The following ATP6V1F variants were observed in gnomAD, a reference collection of about 807,000 sequenced individuals.
ATP6V1F encodes ATPase H+ transporting V1 subunit F.
A neutral mutation model predicts 6.6 loss-of-function variants in ATP6V1F; 4 were observed. The observed-to-expected ratio is 0.60, with a 90% CI of 0.30 to 1.38. ATP6V1F has a LOEUF of 1.38. Ranked by LOEUF, ATP6V1F falls within the 40% of genes most tolerant of loss-of-function variation. ATP6V1F has a pLI of 0.08. For missense variants in ATP6V1F, 136 were observed against 165.5 expected, an observed-to-expected ratio of 0.82 and a Z score of 0.98; for synonymous variants, 68 against 66.9, an observed-to-expected ratio of 1.02 and a Z score of -0.08.
intron 1 of ATP6V1F, among the ~76,000 whole-genome samples, chr7:128,864,677 T>A (rs1809346597): frequency 6.6e-6 from 1 of 150,582 alleles, no homozygotes; most frequent in Non-Finnish European, 1.5e-5. Context: ...CGCAGCTCAC[T>A]GCGGCCTCGA....
At chr7:128,863,546 G>A (rs1489524791) in intron 1 of ATP6V1F, among the ~76,000 whole-genome samples, 3 of 152,142 alleles carry the variant, frequency 2.0e-5, no homozygotes, top group East Asian at 3.8e-4. Context: ...CTCCTCAGGC[G>A]GCCTCGGAAT....
rs1275941687 is a variant in ATP6V1F, at chr7:128,865,094, G to T, written c.159-283G>T. ...CACTGCATATTGAATACACCAGTGT[G>T]CACCCTAATCAATCTTCATTACCAG... On this transcript the variant is annotated intron_variant, in intron 1 of 1. Transcript: ENST00000249289. The surrounding 1 kb of genome is among the most constrained non-coding windows in gnomAD (Gnocchi z 4.4). 6 of 1,513,760 alleles carry T rather than the reference G, an allele frequency of 4.0e-6. No individual in the cohort carries two copies. Among genetic ancestry groups the T allele is most frequent in the Non-Finnish European group, 5.3e-6 (6 of 1,126,592 alleles). 93.8% of individuals were successfully genotyped at this position (1,513,760 alleles called of 1,614,324 possible).
chr7:128,863,435 G>T (rs1809316696), intron 1 of ATP6V1F, among the ~76,000 whole-genome samples: 1 of 152,162 alleles, frequency 6.6e-6, no homozygotes, highest in Non-Finnish European at 1.5e-5. Context: ...AGAGGGTAAG[G>T]CACACACTAA....
chr7:128,864,194 A>C (rs1478038646), intron 1 of ATP6V1F, among the ~76,000 whole-genome samples: 1 of 152,126 alleles, frequency 6.6e-6, no homozygotes, highest in African/African-American at 2.4e-5. Context: ...AAATACAAAA[A>C]TTAGCCAGGC....
chr7:128,865,259 C>T lies in ATP6V1F; in HGVS notation c.159-118C>T. 6.4e-7 allele frequency: 1 copy of T among 1,558,456 alleles called. No homozygotes were observed. The highest frequency in any genetic ancestry group is 2.4e-5 in the East Asian group (1 of 42,474). On this transcript the variant is annotated intron_variant, in intron 1 of 1. Transcript: ENST00000249289. This position sits in a 1 kb window ranked among gnomAD's most constrained non-coding sequence, Gnocchi z 4.4. ...CCTTTCCCCTTGTCCTCTGTGCCCTCTGGGTCATGCTCATTCCCCTCCACA... is the reference window on the plus strand; with the variant it reads ...CCTTTCCCCTTGTCCTCTGTGCCCTTTGGGTCATGCTCATTCCCCTCCACA...
intron 1 of ATP6V1F, among the ~76,000 whole-genome samples, chr7:128,864,339 T>C (rs763910265): frequency 4.6e-5 from 7 of 152,034 alleles, no homozygotes; most frequent in Non-Finnish European, 1.0e-4. Context: ...GGAGACCCTG[T>C]CTCAAAAAAA....
intron 1 of ATP6V1F, chr7:128,864,817 T>C: frequency 3.0e-6 from 1 of 331,010 alleles, no homozygotes; most frequent in Non-Finnish European, 5.8e-6. Flanking sequence ...GATAGATAGA[T>C]AGATCCGCCA....
At position 128,862,921 on chromosome 7, in the gene ATP6V1F, A is replaced by G. The variant is rs1310357098; in HGVS notation, c.17A>G (p.Lys6Arg). The change falls in exon 1 of 2, where the codon AAG (lysine) becomes AGG (arginine). Residue 6 changes from lysine to arginine, a missense_variant. By Grantham distance (26) the Lys-to-Arg change is conservative (BLOSUM62 2). Coordinates refer to ENST00000249289, the MANE Select transcript of ATP6V1F (RefSeq NM_004231.4). ...GCTGCAGGGATGGCGGGGAGGGGTA[A>G]GCTCATCGCAGTGATCGGAGACGAG... MAGRG[K>R]LIAVIGDEDT... The G allele has an allele frequency of 6.2e-7, 1 of 1,608,804 alleles. No homozygotes were observed. The highest frequency in any genetic ancestry group is 8.5e-7 in the Non-Finnish European group (1 of 1,177,564).
At chr7:128,864,849 G>T in intron 1 of ATP6V1F, 9 of 406,964 alleles carry the variant, frequency 2.2e-5, no homozygotes, top group South Asian at 4.6e-5. Context: ...TTTTTTGTGT[G>T]TGTATATATA....
chr7:128,862,891 G>T lies in ATP6V1F; in HGVS notation c.-14G>T, dbSNP rs774350378. Reference sequence around the variant, plus strand: ...CTTCTGGTGCTCTAGGGTGAGCTCTGCCCGGCTGCAGGGATGGCGGGGAGG... The same window carrying T: ...CTTCTGGTGCTCTAGGGTGAGCTCTTCCCGGCTGCAGGGATGGCGGGGAGG... On this transcript the variant is annotated 5_prime_UTR_variant, in exon 1 of 2. Coordinates refer to ENST00000249289, the MANE Select transcript of ATP6V1F (RefSeq NM_004231.4). 3.2e-6 allele frequency: 5 copies of T among 1,581,288 alleles called. No homozygotes were observed. The highest frequency in any genetic ancestry group is 1.1e-5 in the South Asian group (1 of 87,180).
chr7:128,865,351 G>C lies in ATP6V1F; in HGVS notation c.159-26G>C. The stretch of plus-strand genomic sequence containing the variant: ...GACGGCAGCCCCCAGAGCTGTCCTG[G>C]ACTCCCTTCTCATCTCTCCCCACAG... On this transcript the variant is annotated intron_variant, in intron 1 of 1. Coordinates refer to ENST00000249289, the MANE Select transcript of ATP6V1F (RefSeq NM_004231.4). The surrounding 1 kb of genome is among the most constrained non-coding windows in gnomAD (Gnocchi z 4.4). 6.2e-7 allele frequency: 1 copy of C among 1,613,232 alleles called. No homozygotes were observed. The highest frequency in any genetic ancestry group is 1.1e-5 in the South Asian group (1 of 90,998).
At position 128,865,476 on chromosome 7, in the gene ATP6V1F, C is replaced by G; in HGVS notation, c.258C>G (p.Pro86=). 6.2e-7 allele frequency: 1 copy of G among 1,614,160 alleles called. No homozygotes were observed. Among genetic ancestry groups the G allele is most frequent in the Non-Finnish European group, 8.5e-7 (1 of 1,180,040 alleles). Reference sequence around the variant, plus strand: ...TGGACGCCCACCAGCAGTCCATCCCCGCTGTCCTGGAGATCCCCTCCAAGG... The same window carrying G: ...TGGACGCCCACCAGCAGTCCATCCCGGCTGTCCTGGAGATCCCCTCCAAGG... ...HALDAHQQSI[P]AVLEIPSKEH... Residue 86 remains proline (P), a synonymous_variant, in exon 2 of 2, where the codon CCC becomes CCG. Coordinates refer to ENST00000249289, the MANE Select transcript of ATP6V1F (RefSeq NM_004231.4). The surrounding 1 kb of genome is among the most constrained non-coding windows in gnomAD (Gnocchi z 4.4).
intron 1 of ATP6V1F, chr7:128,864,999 G>A: frequency 1.2e-6 from 1 of 863,972 alleles, no homozygotes; most frequent in Non-Finnish European, 1.8e-6. Context: ...CATCACAGCT[G>A]GCCTTCAGTA....
Position 128,865,420 on chromosome 7 carries a change from C to G in ATP6V1F, c.202C>G (p.Gln68Glu), listed in dbSNP as rs957222216. ...RDDIGIILIN[Q>E]YIAEMVRHAL... ...TGACATTGGCATCATCCTCATCAACCAGTACATCGCAGAGATGGTGCGGCA... is the reference window on the plus strand; with the variant it reads ...TGACATTGGCATCATCCTCATCAACGAGTACATCGCAGAGATGGTGCGGCA... Residue 68 changes from glutamine (Q) to glutamate (E), a missense_variant, in exon 2 of 2, where the codon CAG becomes GAG. Transcript: ENST00000249289. This position sits in a 1 kb window ranked among gnomAD's most constrained non-coding sequence, Gnocchi z 4.4. 3 of 1,614,210 alleles carry G rather than the reference C, an allele frequency of 1.9e-6. No individual in the cohort carries two copies. Among genetic ancestry groups the G allele is most frequent in the Non-Finnish European group, 2.5e-6 (3 of 1,180,050 alleles).
At chr7:128,864,095 A>C (rs187712298) in intron 1 of ATP6V1F, among the ~76,000 whole-genome samples, 156 of 152,330 alleles carry the variant, frequency 1.0e-3, no homozygotes, top group African/African-American at 3.7e-3. Context: ...TGTAATCCCA[A>C]CAGTTTTGGA....
rs771259209 is a variant in ATP6V1F at position 128,862,931 on chromosome 7, A to C, written c.27A>C (p.Ala9=). 1 of 1,611,666 alleles carries C rather than the reference A, an allele frequency of 6.2e-7. No homozygotes were observed. Among genetic ancestry groups the C allele is most frequent in the South Asian group, 1.1e-5 (1 of 90,666 alleles). MAGRGKLI[A]VIGDEDTVTG... Reference sequence around the variant, plus strand: ...TGGCGGGGAGGGGTAAGCTCATCGCAGTGATCGGAGACGAGGACACGGTGA... The same window carrying C: ...TGGCGGGGAGGGGTAAGCTCATCGCCGTGATCGGAGACGAGGACACGGTGA... Residue 9 remains alanine, a synonymous_variant, in exon 1 of 2, where the codon GCA becomes GCC. Coordinates refer to ENST00000249289, the MANE Select transcript of ATP6V1F (RefSeq NM_004231.4).
intron 1 of ATP6V1F, chr7:128,864,900 ACT>A (rs1033840983): frequency 7.5e-6 from 4 of 531,088 alleles, no homozygotes; most frequent in Non-Finnish European, 1.0e-5. Context: ...TGGGGGTCTC[ACT>A]ATGTGGCCCA....
In ATP6V1F at chr7:128,865,270, T is replaced by C; in HGVS notation, c.159-107T>C. On this transcript the variant is annotated intron_variant, in intron 1 of 1. Transcript: ENST00000249289. The surrounding 1 kb of genome is among the most constrained non-coding windows in gnomAD (Gnocchi z 4.4). ...GTCCTCTGTGCCCTCTGGGTCATGC[T>C]CATTCCCCTCCACAGCCCAGCCCAA... 6.4e-7 allele frequency: 1 copy of C among 1,568,054 alleles called. No individual in the cohort carries two copies. The highest frequency in any genetic ancestry group is 8.7e-7 in the Non-Finnish European group (1 of 1,153,156).
chr7:128,865,651 C>T lies in ATP6V1F; in HGVS notation c.*73C>T. Reference sequence around the variant, plus strand: ...CCAGGCTTGCCATCAGCCTTCTTTACTTTTTGAGCCTCTGATTTCCAATTC... The same window carrying T: ...CCAGGCTTGCCATCAGCCTTCTTTATTTTTTGAGCCTCTGATTTCCAATTC... On this transcript the variant is annotated 3_prime_UTR_variant, in exon 2 of 2. Transcript: ENST00000249289. This position sits in a 1 kb window ranked among gnomAD's most constrained non-coding sequence, Gnocchi z 4.4. 2 of 1,445,658 alleles carry T rather than the reference C, an allele frequency of 1.4e-6. No individual in the cohort carries two copies. Among genetic ancestry groups the T allele is most frequent in the Non-Finnish European group, 1.9e-6 (2 of 1,070,446 alleles). 89.6% of individuals were successfully genotyped at this position (1,445,658 alleles called of 1,614,324 possible).
Sources: allele counts gnomAD v4.1 joint callset (sites outside exome capture counted in the v4.1 genomes callset), GRCh38; gene constraint gnomAD v4.1.1; non-coding constraint Gnocchi (gnomAD v3.1); transcripts MANE v1.5; gene names NCBI Gene and HGNC (gene_info 2026-07-23, HGNC 2026-07-21).